AKAP19: variants seen among roughly 807,000 people sequenced by gnomAD.
AKAP19 encodes the protein small A-kinase anchoring protein.
chr2:189,928,934 A>G, the AKAP19 span, among the ~76,000 whole-genome samples: 1 of 152,174 alleles, frequency 6.6e-6, no homozygotes, highest in South Asian at 2.1e-4. Context: ...GTCACCTAGG[A>G]GTATATACGA....
At chr2:189,939,135 G>A in the AKAP19 span, among the ~76,000 whole-genome samples, 419 of 152,232 alleles carry the variant, frequency 2.8e-3, 2 homozygotes, top group African/African-American at 9.4e-3. Flanking sequence ...CAGGGAGGTG[G>A]GACTATCATC....
chr2:190,129,260 G>A, the AKAP19 span, among the ~76,000 whole-genome samples: 1 of 152,032 alleles, frequency 6.6e-6, no homozygotes, highest in African/African-American at 2.4e-5. Context: ...AAGTGTGGTT[G>A]CAACCATGAA....
the AKAP19 span, among the ~76,000 whole-genome samples, chr2:190,157,637 A>T: frequency 3.5e-4 from 53 of 152,260 alleles, no homozygotes; most frequent in Middle Eastern, 3.4e-3. Flanking sequence ...CTATTTTTTT[A>T]AATGAGCACA....
the AKAP19 span, among the ~76,000 whole-genome samples, chr2:190,171,223 G>GA: frequency 1.5e-5 from 2 of 135,906 alleles, no homozygotes; most frequent in African/African-American, 5.7e-5. Flanking sequence ...AAGTAAAATA[G>GA]AAAAAAAGTT....
At chr2:189,985,553 G>A in the AKAP19 span, among the ~76,000 whole-genome samples, 1 of 152,170 alleles carries the variant, frequency 6.6e-6, no homozygotes, top group East Asian at 1.9e-4. Flanking sequence ...TGGCCTCTAA[G>A]AGCTGAGAAT....
the AKAP19 span, chr2:190,095,610 A>G: frequency 6.6e-6 from 1 of 152,234 alleles, no homozygotes; most frequent in African/African-American, 2.4e-5. Context: ...ACTGTGAGAA[A>G]TAAATTTCTG....
chr2:190,107,611 G>C, the AKAP19 span, among the ~76,000 whole-genome samples: 1 of 152,190 alleles, frequency 6.6e-6, no homozygotes, highest in Non-Finnish European at 1.5e-5. Context: ...TCAGCAGCAT[G>C]AGTACTGCTT....
the AKAP19 span, among the ~76,000 whole-genome samples, chr2:190,158,391 C>T: frequency 6.6e-6 from 1 of 152,088 alleles, no homozygotes; most frequent in Admixed American, 6.5e-5. Context: ...CTCAAGCAAG[C>T]AGTTTCATTT....
chr2:190,117,893 G>C, the AKAP19 span, among the ~76,000 whole-genome samples: 1 of 152,106 alleles, frequency 6.6e-6, no homozygotes, highest in East Asian at 1.9e-4. Context: ...TTTTTGTTTG[G>C]TTGCTAACGT....
At chr2:189,977,071 C>T in the AKAP19 span, among the ~76,000 whole-genome samples, 253 of 152,316 alleles carry the variant, frequency 1.7e-3, no homozygotes, top group African/African-American at 2.4e-3. Flanking sequence ...GCATCGCTCA[C>T]GCTGGGAGCT....
the AKAP19 span, among the ~76,000 whole-genome samples, chr2:189,983,837 G>A: frequency 6.6e-6 from 1 of 152,192 alleles, no homozygotes; most frequent in Non-Finnish European, 1.5e-5. Flanking sequence ...GCAGGCTTGT[G>A]AAATAAAGGG....
chr2:190,022,561 G>C, the AKAP19 span, among the ~76,000 whole-genome samples: 2 of 152,072 alleles, frequency 1.3e-5, no homozygotes, highest in Non-Finnish European at 1.5e-5. Flanking sequence ...TGCAGAACAG[G>C]TATTATGGAT....
At chr2:190,124,380 CCTGTACAGCATGTTA>C in the AKAP19 span, among the ~76,000 whole-genome samples, 1 of 152,336 alleles carries the variant, frequency 6.6e-6, no homozygotes, top group East Asian at 1.9e-4. Context: ...AGTCTACAAA[CCTGTACAGCATGTTA>C]CTGTACTGAA....
the AKAP19 span, among the ~76,000 whole-genome samples, chr2:189,974,992 T>A: frequency 6.6e-6 from 1 of 152,230 alleles, no homozygotes; most frequent in African/African-American, 2.4e-5. Context: ...TTAAAGTTAA[T>A]ATTGTTGTGT....
the AKAP19 span, among the ~76,000 whole-genome samples, chr2:189,897,973 C>CT: frequency 6.6e-6 from 1 of 152,090 alleles, no homozygotes; most frequent in Non-Finnish European, 1.5e-5. Context: ...CTTTGGGAGG[C>CT]TGAGACGGTG....
the AKAP19 span, among the ~76,000 whole-genome samples, chr2:189,998,164 A>G: frequency 2.0e-5 from 3 of 152,168 alleles, no homozygotes; most frequent in African/African-American, 7.2e-5. Flanking sequence ...CAGAATTTCC[A>G]GTGGTGTGCA....
the AKAP19 span, among the ~76,000 whole-genome samples, chr2:190,108,773 C>A: frequency 6.7e-4 from 95 of 141,716 alleles, no homozygotes; most frequent in Non-Finnish European, 1.2e-3. Context: ...GGCTATTTTG[C>A]CTGTTTGCGG....
the AKAP19 span, among the ~76,000 whole-genome samples, chr2:190,160,710 T>TTA: frequency 4.6e-5 from 7 of 151,662 alleles, no homozygotes; most frequent in East Asian, 3.9e-4. Context: ...GATTTTTTTT[T>TTA]AAAAAAGAAG....
the AKAP19 span, among the ~76,000 whole-genome samples, chr2:190,142,540 G>A: frequency 6.6e-6 from 1 of 152,192 alleles, no homozygotes; most frequent in Non-Finnish European, 1.5e-5. Flanking sequence ...ACAATTCCAA[G>A]GGGCCACTCT....
Sources: allele counts gnomAD v4.1 joint callset (sites outside exome capture counted in the v4.1 genomes callset), GRCh38; gene constraint gnomAD v4.1.1; transcripts MANE v1.5; gene names NCBI Gene and HGNC (gene_info 2026-07-23, HGNC 2026-07-21).